PSG4: variants seen among roughly 807,000 people sequenced by gnomAD.
PSG4 encodes pregnancy-specific beta-1-glycoprotein 4.
Under a neutral mutation model 44.3 loss-of-function variants are expected in PSG4, and 61 were observed. The ratio of observed to expected loss-of-function variants is 1.38; its 90% confidence interval spans 1.12 to 1.70. The LOEUF is 1.70. PSG4 is among the 40% of genes most tolerant of loss of function. The pLI is 0.00. For synonymous variants in PSG4, 248 were observed against 191.3 expected, an observed-to-expected ratio of 1.30 and a Z score of -2.45; for missense variants, 677 against 511.7, an observed-to-expected ratio of 1.32 and a Z score of -3.12.
At position 43,194,383 on chromosome 19, in the gene PSG4, G is replaced by GC; in HGVS notation, c.1199_1200insG (p.Thr401HisfsTer15). The GC allele has an allele frequency of 6.2e-7, 1 of 1,612,448 alleles. No homozygotes were observed. Among genetic ancestry groups the GC allele is most frequent in the Non-Finnish European group, 8.5e-7 (1 of 1,179,114 alleles). ...TGGATTTGGAGCTTTCCTTGCCAGT[G>GC]GCTGAGTTACGAACAGAGCAAGCAT... is the stretch of plus-strand genomic sequence containing the variant. On this transcript the variant is annotated frameshift_variant, in exon 5 of 6. Coordinates refer to ENST00000405312, the MANE Select transcript of PSG4 (RefSeq NM_002780.5). LOFTEE classifies it low-confidence loss of function (END_TRUNC).
At chr19:43,194,905 C>T in intron 4 of PSG4, 90 bp downstream of exon 4, 1 of 1,568,694 alleles carries the variant, frequency 6.4e-7, no homozygotes, top group Non-Finnish European at 8.6e-7. Flanking sequence ...GGTGTCTATA[C>T]TTGGACTGGA....
In PSG4 at chr19:43,205,591, C is replaced by T. The variant is rs1213740610; in HGVS notation, c.-55G>A. On this transcript the variant is annotated 5_prime_UTR_variant, in exon 1 of 6. Transcript: ENST00000405312. ...TGGAGATAAGCCTAGGATCCAGAAG[C>T]TTCCTGAGTACGGCTGTCAGCTGTG... is the stretch of plus-strand genomic sequence containing the variant. 2.7e-6 allele frequency: 4 copies of T among 1,484,034 alleles called. 1 individual carries two copies. The African/African-American group carries it at 4.6e-5, about 17-fold the overall frequency. The allele number at this position is 1,484,034 out of a possible 1,614,324, so 91.9% of individuals were successfully genotyped here.
At chr19:43,199,313 T>C (rs139789805) in intron 2 of PSG4, among the ~76,000 whole-genome samples, 2,395 of 144,888 alleles carry the variant, frequency 0.017, 392 homozygotes, top group African/African-American at 0.057. Flanking sequence ...TTTGCAGGAG[T>C]TGGGATCAGG....
intron 2 of PSG4, among the ~76,000 whole-genome samples, chr19:43,200,298 G>A (rs1386861921): frequency 6.9e-6 from 1 of 144,498 alleles, no homozygotes; most frequent in African/African-American, 2.7e-5. Context: ...GCACCCACCT[G>A]GTCACCTCCA....
rs1252556368 is a variant in PSG4 at position 43,200,946 on chromosome 19, A to G, written c.431-2671T>C. 2.7e-5 allele frequency among the ~76,000 whole-genome samples: 4 copies of G among 146,032 alleles called. 1 individual carries two copies. Among genetic ancestry groups the G allele is most frequent in the African/African-American group, 1.0e-4 (4 of 38,200 alleles). ...GAGTCACAAATTTTAAGCTTGTTATATGCCTGACAGGAAGCCAGAAGTCTC... is the reference window on the plus strand; with the variant it reads ...GAGTCACAAATTTTAAGCTTGTTATGTGCCTGACAGGAAGCCAGAAGTCTC... On this transcript the variant is annotated intron_variant, in intron 2 of 5. Transcript: ENST00000405312.
intron 5 of PSG4, 170 bp downstream of exon 5, chr19:43,194,170 A>G: frequency 6.6e-7 from 1 of 1,519,790 alleles, no homozygotes; most frequent in Non-Finnish European, 8.8e-7. Flanking sequence ...CCTGTTTGTT[A>G]AAGTTTTGGA....
At chr19:43,195,673 A>T (rs1003129046) in intron 3 of PSG4, among the ~76,000 whole-genome samples, 3 of 151,172 alleles carry the variant, frequency 2.0e-5, no homozygotes, top group East Asian at 1.9e-4. Context: ...CCTAGATGAG[A>T]TTTCTCTGCA....
In PSG4 at chr19:43,204,345, A is replaced by G; in HGVS notation, c.65-94T>C. On this transcript the variant is annotated intron_variant, in intron 1 of 5. Transcript: ENST00000405312. ...AAGGTCTCTTCAATCCTCAGCCTTG[A>G]AGACACACAAACACACACATACAAA... The G allele has an allele frequency of 1.4e-6, 2 of 1,381,812 alleles. 1 individual carries two copies. Among genetic ancestry groups the G allele is most frequent in the Non-Finnish European group, 1.9e-6 (2 of 1,026,526 alleles). 85.6% of individuals were successfully genotyped at this position (1,381,812 alleles called of 1,614,324 possible).
rs757155974 is a variant in PSG4 at position 43,203,978 on chromosome 19, G to T, written c.338C>A (p.Thr113Lys). 13 of 1,587,752 alleles carry T rather than the reference G, an allele frequency of 8.2e-6. 1 individual carries two copies. The highest frequency in any genetic ancestry group is 1.0e-5 in the Non-Finnish European group (12 of 1,171,656). Residue 113 changes from threonine (T) to lysine (K), a missense_variant, in exon 2 of 6, where the codon ACG (threonine) becomes AAG (lysine). Physicochemically the swap from Thr to Lys is moderately conservative, Grantham distance 78. Coordinates refer to ENST00000405312, the MANE Select transcript of PSG4 (RefSeq NM_002780.5). Reference sequence around the variant, plus strand: ...GGTGTAGGATCCTGCATCCTCCTGCGTGACATTCTGGATCAGCAGGGATGC... The same window carrying T: ...GGTGTAGGATCCTGCATCCTCCTGCTTGACATTCTGGATCAGCAGGGATGC... ...SNASLLIQNV[T>K]QEDAGSYTLH...
rs1054472396 is a variant in PSG4 at position 43,199,126 on chromosome 19, G to T, written c.431-851C>A. 1.2e-4 allele frequency among the ~76,000 whole-genome samples: 18 copies of T among 146,346 alleles called. 3 individuals carry two copies. The highest frequency in any genetic ancestry group is 4.7e-4 in the African/African-American group (18 of 38,306). ...GTGGAAAGGGCGAACATGAACAGAT[G>T]ATGGAAGTCTGGCCCTCATGGACCA... On this transcript the variant is annotated intron_variant, in intron 2 of 5. Transcript: ENST00000405312.
chr19:43,203,343 G>A (rs973947476), intron 2 of PSG4: 1 of 151,266 alleles, frequency 6.6e-6, no homozygotes, highest in African/African-American at 2.6e-5. Context: ...GGCTCTGAGG[G>A]CTGAGCCCTG....
intron 5 of PSG4, chr19:43,193,998 A>T: frequency 1.1e-6 from 1 of 897,848 alleles, no homozygotes; most frequent in Non-Finnish European, 1.8e-6. Flanking sequence ...TAGATAGATT[A>T]AAAGAAAAAA....
chr19:43,198,036 T>C lies in PSG4; in HGVS notation c.670A>G (p.Ser224Gly), dbSNP rs1235284530. ...GTGACTGGGTCACTGCGGCTGGCAC[T>C]CACTGGGTTCCGTATTTCACATTCA... ...PYECEIRNPVSASRSDPVTLN... is the reference protein window; with the variant it reads ...PYECEIRNPVGASRSDPVTLN... The change falls in exon 3 of 6, where the codon AGT becomes GGT. Residue 224 changes from serine to glycine, a missense_variant. Physicochemically the swap from Ser to Gly is moderately conservative, Grantham distance 56. Transcript: ENST00000405312. 1.3e-6 allele frequency: 2 copies of C among 1,587,676 alleles called. No homozygotes were observed. Among genetic ancestry groups the C allele is most frequent in the Non-Finnish European group, 1.7e-6 (2 of 1,171,982 alleles).
chr19:43,194,337 T>C lies in PSG4; in HGVS notation c.1243+3A>G, dbSNP rs1272079449. Reference sequence around the variant, plus strand: ...ATTGCCAAGGATGCTGGGATCCACTTACCAGAGACTTTGACTGTGATGGAT... The same window carrying C: ...ATTGCCAAGGATGCTGGGATCCACTCACCAGAGACTTTGACTGTGATGGAT... On this transcript the variant is annotated splice_donor_region_variant and intron_variant, in intron 5 of 5. Transcript: ENST00000405312. The C allele has an allele frequency of 6.2e-7, 1 of 1,612,312 alleles. No individual in the cohort carries two copies. Among genetic ancestry groups the C allele is most frequent in the South Asian group, 1.1e-5 (1 of 91,030 alleles).
At chr19:43,204,693 T>TTCCCC in intron 1 of PSG4, 1 of 149,404 alleles carries the variant, frequency 6.7e-6, no homozygotes, top group Non-Finnish European at 1.1e-5. Flanking sequence ...CATGTCTGTC[T>TTCCCC]TCCCCCCACG....
At position 43,194,263 on chromosome 19, in the gene PSG4, GT is replaced by G. The variant is rs143826532; in HGVS notation, c.1243+76del. The G allele has an allele frequency of 9.9e-3, 15,852 of 1,608,188 alleles. 592 individuals carry two copies. The highest frequency in any genetic ancestry group is 0.068 in the African/African-American group (5,078 of 74,394). On this transcript the variant is annotated intron_variant, in intron 5 of 5. Coordinates refer to ENST00000405312, the MANE Select transcript of PSG4 (RefSeq NM_002780.5). ...TGGGACACAGGCTGGGAATAAAAAT[GT>G]TTTCCTCACTCTTCCCTGAATGCCA...
chr19:43,203,695 G>C (rs1599781480), intron 2 of PSG4, 191 bp downstream of exon 2: 1 of 1,108,162 alleles, frequency 9.0e-7, no homozygotes, highest in Non-Finnish European at 1.2e-6. Flanking sequence ...TGCAGGGTCT[G>C]AATGCGGGAA....
rs1599781592 is a variant in PSG4 at position 43,203,801 on chromosome 19, A to G, written c.430+85T>C. 1.2e-5 allele frequency: 18 copies of G among 1,542,458 alleles called. 2 individuals carry two copies. The highest frequency in any genetic ancestry group is 7.2e-5 in the Admixed American group (4 of 55,320). On this transcript the variant is annotated intron_variant, in intron 2 of 5. Coordinates refer to ENST00000405312, the MANE Select transcript of PSG4 (RefSeq NM_002780.5). ...ACTTAATGCAGAGAGGGACACAGGC[A>G]GAGTCCAGGCCTGAGAATCCTGTGT...
rs759912124 is a variant in PSG4 at position 43,204,207 on chromosome 19, T to C, written c.109A>G (p.Thr37Ala). Residue 37 changes from threonine to alanine, a missense_variant, in exon 2 of 6, where the codon ACG becomes GCG. Coordinates refer to ENST00000405312, the MANE Select transcript of PSG4 (RefSeq NM_002780.5). Reference sequence around the variant, plus strand: ...ACTTTGGGTGGCTGGGCTTCAATCGTGACTTGGGCAGTTGTGGGCGGATTC... The same window carrying C: ...ACTTTGGGTGGCTGGGCTTCAATCGCGACTTGGGCAGTTGTGGGCGGATTC... ...FWNPPTTAQV[T>A]IEAQPPKVSE... The C allele has an allele frequency of 1.6e-5, 25 of 1,583,254 alleles. 2 individuals carry two copies. In the South Asian group the frequency reaches 2.8e-4, roughly 18 times the overall value.
Sources: gnomAD v4.1 joint callset for allele counts (sites outside exome capture counted in the v4.1 genomes callset) on GRCh38, gnomAD v4.1.1 for gene constraint, MANE v1.5 for transcripts, NCBI Gene and HGNC (gene_info 2026-07-23, HGNC 2026-07-21) for gene names.